The following MMP13 variants were observed in gnomAD, a reference collection of about 807,000 sequenced individuals.
The protein encoded by MMP13 is matrix metallopeptidase 13, also known as collagenase 3.
In MMP13, 45 loss-of-function variants were observed where a neutral mutation model predicts 52.1. That is an observed-to-expected ratio of 0.86 (90% CI 0.68 to 1.11). The LOEUF (loss-of-function observed/expected upper bound fraction) is 1.11, where lower values mean the gene tolerates loss of function less well. MMP13 is among the 50% of genes least tolerant of loss of function. The pLI, the probability that MMP13 is intolerant of heterozygous loss-of-function variation, is 0.00. For missense variants in MMP13, 576 were observed against 583.8 expected, an observed-to-expected ratio of 0.99 and a Z score of 0.14; for synonymous variants, 200 against 204.4, an observed-to-expected ratio of 0.98 and a Z score of 0.18.
At position 102,944,097 on chromosome 11, in the gene MMP13, T is replaced by C. The variant is rs978565116; in HGVS notation, c.*169A>G. The C allele has an allele frequency of 1.6e-6, 1 of 639,446 alleles. No individual in the cohort carries two copies. The highest frequency in any genetic ancestry group is 2.9e-6 in the Non-Finnish European group (1 of 341,238). The allele number at this position is 639,446 out of a possible 1,614,324, so 39.6% of individuals were successfully genotyped here. A position where few individuals can be genotyped will look rare whatever the true frequency, so the allele number is the denominator to read the frequency against. Reference sequence around the variant, plus strand: ...ATTACTCTAACATTCTTCAATGTGGTTCCAGCCACGCATAGTCATATAGAT... The same window carrying C: ...ATTACTCTAACATTCTTCAATGTGGCTCCAGCCACGCATAGTCATATAGAT... On this transcript the variant is annotated 3_prime_UTR_variant, in exon 10 of 10. Coordinates refer to ENST00000260302, the MANE Select transcript of MMP13 (RefSeq NM_002427.4).
In MMP13 at chr11:102,949,457, C is replaced by T. The variant is rs555169847; in HGVS notation, c.918-299G>A. On this transcript the variant is annotated intron_variant, in intron 6 of 9. Transcript: ENST00000260302. The surrounding 1 kb of genome is among the most constrained non-coding windows in gnomAD (Gnocchi z 4.2). ...TCTTGCCAGGGGCAAGCAAATGTGC[C>T]AGGCATTGTGTTGGCCTCCAGAGAG... 1.2e-4 allele frequency among the ~76,000 whole-genome samples: 19 copies of T among 152,200 alleles called. No homozygotes were observed. Among genetic ancestry groups the T allele is most frequent in the Admixed American group, 9.8e-4 (15 of 15,290 alleles).
chr11:102,945,195 G>T, intron 9 of MMP13: 1 of 601,782 alleles, frequency 1.7e-6, no homozygotes, highest in Non-Finnish European at 2.6e-6. Context: ...AGCGAGCTCA[G>T]ATTGCGACAA....
chr11:102,950,365 C>G (rs1219389297), intron 5 of MMP13, 138 bp from the exon 6 acceptor site: 1 of 783,928 alleles, frequency 1.3e-6, no homozygotes, highest in African/African-American at 1.7e-5. Flanking sequence ...GGGGCTCCTA[C>G]ATCATGGTGC....
rs986065132 is a variant in MMP13, at chr11:102,947,908, T to A, written c.1194A>T (p.Ser398=). The change falls in exon 8 of 10, where the codon TCA becomes TCT. Residue 398 remains serine (S), a synonymous_variant. Coordinates refer to ENST00000260302, the MANE Select transcript of MMP13 (RefSeq NM_002427.4). ...FEDTGKTLLF[S]GNQVWRYDDT... ...TGCCATACCTCCAGACCTGGTTTCC[T>A]GAGAACAGGAGAGTCTTGCCTGTAT... 1 of 1,613,870 alleles carries A rather than the reference T, an allele frequency of 6.2e-7. No individual in the cohort carries two copies. The highest frequency in any genetic ancestry group is 8.5e-7 in the Non-Finnish European group (1 of 1,179,884).
At position 102,944,204 on chromosome 11, in the gene MMP13, A is replaced by C; in HGVS notation, c.*62T>G. 1 of 1,249,316 alleles carries C rather than the reference A, an allele frequency of 8.0e-7. No homozygotes were observed. The highest frequency in any genetic ancestry group is 1.2e-6 in the Non-Finnish European group (1 of 851,392). 77.4% of individuals were successfully genotyped at this position (1,249,316 alleles called of 1,614,324 possible). On this transcript the variant is annotated 3_prime_UTR_variant, in exon 10 of 10. Transcript: ENST00000260302. The stretch of plus-strand genomic sequence containing the variant: ...GATAGCTCTTCTTCCCCTACCCCGC[A>C]CTTCTGGAAGTATTACCCCAAATGC...
Position 102,955,059 on chromosome 11 carries a change from T to A in MMP13, c.362+193A>T, listed in dbSNP as rs1253843927. 6.6e-6 allele frequency among the ~76,000 whole-genome samples: 1 copy of A among 152,198 alleles called. No homozygotes were observed. The highest frequency in any genetic ancestry group is 1.9e-4 in the East Asian group (1 of 5,204). On this transcript the variant is annotated intron_variant, in intron 2 of 9. Transcript: ENST00000260302. This position sits in a 1 kb window ranked among gnomAD's most constrained non-coding sequence, Gnocchi z 4.9. ...TTGATTTCATCTCTAAAAGAAATAC[T>A]TTGAGATGCCCACTAAAAAATAATG...
Position 102,949,072 on chromosome 11 carries a change from T to C in MMP13, c.1004A>G (p.Asp335Gly), listed in dbSNP as rs1860564116. Reference sequence around the variant, plus strand: ...ATGAGAAGGGTGCTCATATGCAGCATCAATACGGTTGGGAAGTTCTGGCCA... The same window carrying C: ...ATGAGAAGGGTGCTCATATGCAGCACCAATACGGTTGGGAAGTTCTGGCCA... ...SFWPELPNRI[D>G]AAYEHPSHDL... is the part of the protein sequence containing the mutation. The change falls in exon 7 of 10, where the codon GAT becomes GGT. Residue 335 changes from aspartate (D) to glycine (G), a missense_variant. Transcript: ENST00000260302. This position sits in a 1 kb window ranked among gnomAD's most constrained non-coding sequence, Gnocchi z 4.2. 6.2e-7 allele frequency: 1 copy of C among 1,613,900 alleles called. No individual in the cohort carries two copies. Among genetic ancestry groups the C allele is most frequent in the Non-Finnish European group, 8.5e-7 (1 of 1,179,840 alleles).
chr11:102,949,641 A>AATGT lies in MMP13; in HGVS notation c.917+468_917+469insACAT, dbSNP rs529372592. 4.5e-4 allele frequency among the ~76,000 whole-genome samples: 69 copies of AATGT among 152,354 alleles called. No individual in the cohort carries two copies. The highest frequency in any genetic ancestry group is 1.6e-3 in the African/African-American group (66 of 41,584). ...CAGATGAGGGATCAATGAATGAATG[A>AATGT]ATAAACAAGCATACTGGAACAGTGT... On this transcript the variant is annotated intron_variant, in intron 6 of 9. Coordinates refer to ENST00000260302, the MANE Select transcript of MMP13 (RefSeq NM_002427.4). The surrounding 1 kb of genome is among the most constrained non-coding windows in gnomAD (Gnocchi z 4.2).
chr11:102,949,034 T>C lies in MMP13; in HGVS notation c.1042A>G (p.Ile348Val), dbSNP rs782358497. 6.2e-7 allele frequency: 1 copy of C among 1,613,716 alleles called. No individual in the cohort carries two copies. Among genetic ancestry groups the C allele is most frequent in the South Asian group, 1.1e-5 (1 of 91,068 alleles). Residue 348 changes from isoleucine to valine, a missense_variant, in exon 7 of 10, where the codon ATC (isoleucine) becomes GTC (valine). Physicochemically the swap from Ile to Val is conservative, Grantham distance 29. Coordinates refer to ENST00000260302, the MANE Select transcript of MMP13 (RefSeq NM_002427.4). The surrounding 1 kb of genome is among the most constrained non-coding windows in gnomAD (Gnocchi z 4.2). ...TCTGTGGAAAGCTTACCTCTGAAGA[T>C]GAAGATGAGGTCATGAGAAGGGTGC... ...YEHPSHDLIF[I>V]FRGRKFWALN... is the part of the protein sequence containing the mutation.
chr11:102,951,169 AT>A (rs1309223066), intron 5 of MMP13, among the ~76,000 whole-genome samples: 116 of 150,652 alleles, frequency 7.7e-4, no homozygotes, highest in Admixed American at 2.5e-3. Flanking sequence ...AAAAGGAAGA[AT>A]TTTTTTTTTA....
At chr11:102,950,267 C>A in intron 5 of MMP13, 40 bp from the exon 6 acceptor site, 1 of 1,449,114 alleles carries the variant, frequency 6.9e-7, no homozygotes, top group Non-Finnish European at 9.7e-7. Flanking sequence ...ATGAGTGTGA[C>A]ATTACTGATA....
At position 102,949,705 on chromosome 11, in the gene MMP13, C is replaced by T. The variant is rs982590006; in HGVS notation, c.917+405G>A. Among the ~76,000 whole-genome samples the T allele has an allele frequency of 1.3e-5, 2 of 152,146 alleles. No homozygotes were observed. Among genetic ancestry groups the T allele is most frequent in the Non-Finnish European group, 2.9e-5 (2 of 68,032 alleles). On this transcript the variant is annotated intron_variant, in intron 6 of 9. Coordinates refer to ENST00000260302, the MANE Select transcript of MMP13 (RefSeq NM_002427.4). This position sits in a 1 kb window ranked among gnomAD's most constrained non-coding sequence, Gnocchi z 4.2. ...TTATATTGCATTTCTGGGTTCATTTCATTTCATCCCTCAAATTCCAACATG... is the reference window on the plus strand; with the variant it reads ...TTATATTGCATTTCTGGGTTCATTTTATTTCATCCCTCAAATTCCAACATG...
rs565039489 is a variant in MMP13, at chr11:102,951,944, A to G, written c.799+68T>C. The G allele has an allele frequency of 2.6e-6, 4 of 1,541,022 alleles. No homozygotes were observed. In the African/African-American group the frequency reaches 5.4e-5, roughly 21 times the overall value. On this transcript the variant is annotated intron_variant, in intron 5 of 9. Transcript: ENST00000260302. ...TTATTATGCAGCATGACTGCAATTT[A>G]GAAAATAAATGCATGGGTTTCTTCT... is the stretch of plus-strand genomic sequence containing the variant.
chr11:102,955,222 AAT>A lies in MMP13; in HGVS notation c.362+28_362+29del, dbSNP rs1860676758. On this transcript the variant is annotated intron_variant, in intron 2 of 9. Coordinates refer to ENST00000260302, the MANE Select transcript of MMP13 (RefSeq NM_002427.4). The surrounding 1 kb of genome is among the most constrained non-coding windows in gnomAD (Gnocchi z 4.9). The stretch of plus-strand genomic sequence containing the variant: ...TTAATACTACAAGAAAAGGCTAACA[AAT>A]ATGAAAGAAAGATAGCCTATGATTT... 6.2e-7 allele frequency: 1 copy of A among 1,610,866 alleles called. No homozygotes were observed. Among genetic ancestry groups the A allele is most frequent in the Admixed American group, 1.7e-5 (1 of 59,930 alleles).
chr11:102,945,335 C>G, intron 9 of MMP13: 1 of 1,036,886 alleles, frequency 9.6e-7, no homozygotes, highest in Non-Finnish European at 1.2e-6. Context: ...TTACTTCCCA[C>G]TCCACAGCCA....
intron 8 of MMP13, among the ~76,000 whole-genome samples, chr11:102,947,137 A>T (rs1200002071): frequency 2.0e-5 from 3 of 152,202 alleles, no homozygotes; most frequent in Admixed American, 6.5e-5. Flanking sequence ...TCTCCAGTGG[A>T]TCAGCTAACT....
At position 102,945,631 on chromosome 11, in the gene MMP13, A is replaced by G. The variant is rs373735518; in HGVS notation, c.1315+15T>C. 115 of 1,466,238 alleles carry G rather than the reference A, an allele frequency of 7.8e-5. No homozygotes were observed. In the African/African-American group the frequency reaches 1.5e-3, roughly 19 times the overall value. 90.8% of individuals were successfully genotyped at this position (1,466,238 alleles called of 1,614,324 possible). On this transcript the variant is annotated intron_variant, in intron 9 of 9. Transcript: ENST00000260302. ...AGAAGCTCCTCTTTAAAGTCAGTGC[A>G]ATGTAACTACTTACCATTTTTCTCA... is the stretch of plus-strand genomic sequence containing the variant.
At chr11:102,950,941 C>T (rs1860601592) in intron 5 of MMP13, among the ~76,000 whole-genome samples, 1 of 152,036 alleles carries the variant, frequency 6.6e-6, no homozygotes, top group Non-Finnish European at 1.5e-5. Flanking sequence ...AAGTTCATGC[C>T]CATGGCTATG....
intron 8 of MMP13, among the ~76,000 whole-genome samples, chr11:102,947,137 A>G (rs1200002071): frequency 6.6e-6 from 1 of 152,202 alleles, no homozygotes. Context: ...TCTCCAGTGG[A>G]TCAGCTAACT....
Sources: gnomAD v4.1 joint callset for allele counts (sites outside exome capture counted in the v4.1 genomes callset) on GRCh38, gnomAD v4.1.1 for gene constraint, Gnocchi (gnomAD v3.1) non-coding constraint, MANE v1.5 for transcripts, NCBI Gene and HGNC (gene_info 2026-07-23, HGNC 2026-07-21) for gene names.